ADGRB3: variants seen among roughly 807,000 people sequenced by gnomAD.
ADGRB3 encodes brain-specific angiogenesis inhibitor 3.
A neutral mutation model predicts 193.4 loss-of-function variants in ADGRB3; 37 were observed. The observed-to-expected ratio is 0.19, with a 90% CI of 0.15 to 0.25. ADGRB3 has a LOEUF of 0.25. Ranked by LOEUF, ADGRB3 falls within the 10% of genes least tolerant of loss-of-function variation. The pLI, the probability that ADGRB3 is intolerant of heterozygous loss-of-function variation, is 1.00. For missense variants in ADGRB3, 1,637 were observed against 1,852.9 expected, an observed-to-expected ratio of 0.88 and a Z score of 2.14; for synonymous variants, 690 against 644.2, an observed-to-expected ratio of 1.07 and a Z score of -1.08.
chr6:68,837,173 C>T (rs1350342807), intron 3 of ADGRB3, among the ~76,000 whole-genome samples: 1 of 152,112 alleles, frequency 6.6e-6, no homozygotes, highest in Non-Finnish European at 1.5e-5. Flanking sequence ...AAGAGCTTTT[C>T]TCTGTAAGTA....
intron 17 of ADGRB3, among the ~76,000 whole-genome samples, chr6:69,137,047 CT>C (rs1309593374): frequency 9.2e-6 from 1 of 108,344 alleles, no homozygotes; most frequent in African/African-American, 3.4e-5. Context: ...TGTTTCTTTT[CT>C]TTTCTTTCTT....
chr6:68,896,100 AACATAC>A (rs1265718349), intron 3 of ADGRB3, among the ~76,000 whole-genome samples: 1 of 152,252 alleles, frequency 6.6e-6, no homozygotes, highest in East Asian at 1.9e-4. Flanking sequence ...CTTTAAGAAG[AACATAC>A]ACACTTGGTA....
chr6:68,888,248 A>G (rs930571570), intron 3 of ADGRB3, among the ~76,000 whole-genome samples: 6 of 152,286 alleles, frequency 3.9e-5, no homozygotes, highest in African/African-American at 4.8e-5. Context: ...AAATGTCTAC[A>G]GAAGATCCAT....
intron 3 of ADGRB3, among the ~76,000 whole-genome samples, chr6:68,836,735 C>A (rs1257551697): frequency 2.6e-5 from 4 of 152,060 alleles, no homozygotes; most frequent in African/African-American, 7.2e-5. Context: ...AAACCTGTAA[C>A]CCCCAATACT....
At position 68,998,624 on chromosome 6, in the gene ADGRB3, A is replaced by G. The variant is rs368793080; in HGVS notation, c.1929+4662A>G. ...CTTAACTCTTTGGCAACTGTTGCAT[A>G]CTATGATTAAGTCCATATCAAAGCC... On this transcript the variant is annotated intron_variant, in intron 11 of 31. Coordinates refer to ENST00000370598, the MANE Select transcript of ADGRB3 (RefSeq NM_001704.3). 6.4e-4 allele frequency among the ~76,000 whole-genome samples: 98 copies of G among 152,358 alleles called. 1 individual carries two copies. The highest frequency in any genetic ancestry group is 6.4e-3 in the South Asian group (31 of 4,832).
intron 10 of ADGRB3, among the ~76,000 whole-genome samples, chr6:68,983,595 G>A (rs554877502): frequency 6.6e-6 from 1 of 151,824 alleles, no homozygotes; most frequent in South Asian, 2.1e-4. Flanking sequence ...AATCATTTAT[G>A]TATCCATTCA....
At chr6:68,882,362 A>C (rs1182435091) in intron 3 of ADGRB3, among the ~76,000 whole-genome samples, 1 of 152,200 alleles carries the variant, frequency 6.6e-6, no homozygotes, top group East Asian at 1.9e-4. Flanking sequence ...CATTTAAACC[A>C]CAGGATACTG....
At chr6:68,996,651 C>T (rs935729838) in intron 11 of ADGRB3, among the ~76,000 whole-genome samples, 1 of 152,110 alleles carries the variant, frequency 6.6e-6, no homozygotes, top group African/African-American at 2.4e-5. Context: ...GTTTTCAGAC[C>T]GGCTTCGTCT....
At chr6:68,781,009 G>A (rs1179353794) in intron 3 of ADGRB3, among the ~76,000 whole-genome samples, 1 of 152,148 alleles carries the variant, frequency 6.6e-6, no homozygotes, top group Non-Finnish European at 1.5e-5. Flanking sequence ...AAAATTGGAT[G>A]TCTTAAGCGA....
In ADGRB3 at chr6:69,317,228, C is replaced by T. The variant is rs761302751; in HGVS notation, c.2815-7644C>T. Among the ~76,000 whole-genome samples, 7 of 151,440 alleles carry T rather than the reference C, an allele frequency of 4.6e-5. No homozygotes were observed. In the Admixed American group the frequency reaches 4.6e-4, roughly 10 times the overall value. ...CTTTTGAAAGGTAGCCTTCACAGTA[C>T]GTACATCAAAGATGAACCAGTATAT... On this transcript the variant is annotated intron_variant, in intron 20 of 31. Coordinates refer to ENST00000370598, the MANE Select transcript of ADGRB3 (RefSeq NM_001704.3).
chr6:69,357,465 C>T (rs767706629), intron 28 of ADGRB3, among the ~76,000 whole-genome samples: 1 of 151,934 alleles, frequency 6.6e-6, no homozygotes, highest in Non-Finnish European at 1.5e-5. Flanking sequence ...TATAAGACTA[C>T]CTTCTAAGTC....
chr6:68,722,620 C>G lies in ADGRB3; in HGVS notation c.757+83188C>G, dbSNP rs77225946. 8.7e-3 allele frequency among the ~76,000 whole-genome samples: 1,272 copies of G among 146,844 alleles called. 9 individuals are homozygous for G. The highest frequency in any genetic ancestry group is 0.014 in the Non-Finnish European group (941 of 66,694). Reference sequence around the variant, plus strand: ...ATTTCTTTTTCTTTTTTTTTTTTAACTGAATCTATCAGGTTACTTCTTTTT... The same window carrying G: ...ATTTCTTTTTCTTTTTTTTTTTTAAGTGAATCTATCAGGTTACTTCTTTTT... On this transcript the variant is annotated intron_variant, in intron 3 of 31. Transcript: ENST00000370598.
At chr6:69,211,085 G>A (rs1394363811) in intron 17 of ADGRB3, among the ~76,000 whole-genome samples, 1 of 152,150 alleles carries the variant, frequency 6.6e-6, no homozygotes, top group Non-Finnish European at 1.5e-5. Flanking sequence ...TCACGCCACT[G>A]CACTCCAGCC....
At chr6:68,992,112 C>G (rs762526337) in intron 10 of ADGRB3, among the ~76,000 whole-genome samples, 4 of 152,078 alleles carry the variant, frequency 2.6e-5, no homozygotes, top group Non-Finnish European at 5.9e-5. Context: ...CAGATAATCA[C>G]CATTCTCTGT....
At chr6:68,913,382 T>A (rs1437612310) in intron 3 of ADGRB3, among the ~76,000 whole-genome samples, 16 of 152,194 alleles carry the variant, frequency 1.1e-4, no homozygotes, top group Admixed American at 1.0e-3. Context: ...ACATTCGTGG[T>A]TCACGAAAAT....
chr6:69,233,876 T>G (rs183607024), intron 18 of ADGRB3, among the ~76,000 whole-genome samples: 3 of 152,252 alleles, frequency 2.0e-5, no homozygotes, highest in Admixed American at 2.0e-4. Context: ...TAAATATAAA[T>G]AAATAAATAT....
intron 17 of ADGRB3, among the ~76,000 whole-genome samples, chr6:69,094,990 A>G (rs1006278008): frequency 2.0e-5 from 3 of 152,258 alleles, no homozygotes; most frequent in African/African-American, 4.8e-5. Flanking sequence ...TATGGACCTA[A>G]TAGAAGGCAT....
chr6:69,168,968 T>A (rs902013926), intron 17 of ADGRB3, among the ~76,000 whole-genome samples: 3 of 152,080 alleles, frequency 2.0e-5, no homozygotes, highest in African/African-American at 7.2e-5. Flanking sequence ...CTTTATAATA[T>A]TTACCATAAA....
At chr6:69,058,598 T>A (rs555608815) in intron 15 of ADGRB3, among the ~76,000 whole-genome samples, 7 of 152,038 alleles carry the variant, frequency 4.6e-5, no homozygotes, top group Admixed American at 6.6e-5. Context: ...ACTTCCCTCT[T>A]AGTACCTTTT....
Sources: allele counts gnomAD v4.1 joint callset (sites outside exome capture counted in the v4.1 genomes callset), GRCh38; gene constraint gnomAD v4.1.1; transcripts MANE v1.5; gene names NCBI Gene and HGNC (gene_info 2026-07-23, HGNC 2026-07-21).